AKR1C8: variants seen among roughly 807,000 people sequenced by gnomAD.
The protein encoded by AKR1C8 is aldo-keto reductase family 1 member C-like protein 1.
the AKR1C8 span, among the ~76,000 whole-genome samples, chr10:5,139,664 A>G: frequency 6.6e-6 from 1 of 152,232 alleles, no homozygotes; most frequent in Non-Finnish European, 1.5e-5. Context: ...CATGGATTAA[A>G]GACTTAAATG....
At chr10:5,177,557 C>A in the AKR1C8 span, among the ~76,000 whole-genome samples, 1 of 152,152 alleles carries the variant, frequency 6.6e-6, no homozygotes, top group Non-Finnish European at 1.5e-5. Context: ...AGGAATGGTA[C>A]CAGTTCCTCC....
At chr10:5,181,965 A>G in the AKR1C8 span, among the ~76,000 whole-genome samples, 2 of 152,216 alleles carry the variant, frequency 1.3e-5, no homozygotes, top group African/African-American at 2.4e-5. Context: ...TAAATATCAA[A>G]CAGAACAAGA....
At chr10:5,150,831 C>T in the AKR1C8 span, among the ~76,000 whole-genome samples, 22 of 152,212 alleles carry the variant, frequency 1.4e-4, no homozygotes, top group South Asian at 8.3e-4. Flanking sequence ...TGTAACTGCC[C>T]GGTGGGTTCT....
the AKR1C8 span, among the ~76,000 whole-genome samples, chr10:5,179,832 T>C: frequency 2.2e-4 from 33 of 152,344 alleles, no homozygotes; most frequent in Admixed American, 5.2e-4. Context: ...CTTCAGCTCC[T>C]TTAAGCACTT....
the AKR1C8 span, among the ~76,000 whole-genome samples, chr10:5,170,461 T>C: frequency 6.6e-6 from 1 of 152,114 alleles, no homozygotes; most frequent in African/African-American, 2.4e-5. Flanking sequence ...CATAGGCCTT[T>C]TAAATTAGCT....
chr10:5,158,603 T>C, the AKR1C8 span: 2 of 476,046 alleles, frequency 4.2e-6, no homozygotes, highest in African/African-American at 2.0e-5. Context: ...TTATTACCAC[T>C]GTGGGTCTCT....
At chr10:5,132,601 C>A in the AKR1C8 span, 3 of 1,566,638 alleles carry the variant, frequency 1.9e-6, no homozygotes, top group Non-Finnish European at 2.6e-6. Flanking sequence ...AGGCACAGTA[C>A]CTTTGAAGTG....
the AKR1C8 span, among the ~76,000 whole-genome samples, chr10:5,121,127 A>G: frequency 4.6e-5 from 7 of 152,108 alleles, no homozygotes; most frequent in East Asian, 1.3e-3. Flanking sequence ...GCAAACACAC[A>G]TAAAAAATTT....
the AKR1C8 span, among the ~76,000 whole-genome samples, chr10:5,140,188 C>T: frequency 6.6e-6 from 1 of 152,120 alleles, no homozygotes; most frequent in Non-Finnish European, 1.5e-5. Context: ...AATGTTTTTA[C>T]ACTGTTGGTG....
chr10:5,137,107 A>C, the AKR1C8 span, among the ~76,000 whole-genome samples: 3 of 152,174 alleles, frequency 2.0e-5, no homozygotes, highest in Non-Finnish European at 2.9e-5. Flanking sequence ...TTTTTGTTAC[A>C]AAATGCTAAC....
the AKR1C8 span, among the ~76,000 whole-genome samples, chr10:5,121,410 G>C: frequency 2.6e-5 from 4 of 152,170 alleles, no homozygotes; most frequent in African/African-American, 7.2e-5. Context: ...CTAGCACTGA[G>C]GGTCTATTAA....
the AKR1C8 span, among the ~76,000 whole-genome samples, chr10:5,167,348 G>A: frequency 1.1e-4 from 17 of 152,096 alleles, no homozygotes; most frequent in Non-Finnish European, 1.6e-4. Flanking sequence ...TGTTTATTGC[G>A]GCACTATTCA....
At chr10:5,159,060 T>G in the AKR1C8 span, among the ~76,000 whole-genome samples, 11 of 152,258 alleles carry the variant, frequency 7.2e-5, no homozygotes, top group African/African-American at 2.6e-4. Flanking sequence ...CTAGAAGAGC[T>G]TGCACTCTAG....
the AKR1C8 span, among the ~76,000 whole-genome samples, chr10:5,157,259 A>G: frequency 4.6e-5 from 7 of 152,176 alleles, no homozygotes; most frequent in Non-Finnish European, 8.8e-5. Flanking sequence ...CAGTAGTTTA[A>G]CAGAGCAGCT....
the AKR1C8 span, among the ~76,000 whole-genome samples, chr10:5,180,281 G>C: frequency 2.0e-5 from 3 of 152,194 alleles, no homozygotes; most frequent in African/African-American, 7.2e-5. Flanking sequence ...AGAGATTGCA[G>C]AACAGCGGAT....
At chr10:5,163,216 G>A in the AKR1C8 span, among the ~76,000 whole-genome samples, 1 of 152,136 alleles carries the variant, frequency 6.6e-6, no homozygotes, top group African/African-American at 2.4e-5. Context: ...ATGAATTAGA[G>A]AAATTGGCTT....
At chr10:5,162,984 C>T in the AKR1C8 span, 2 of 534,444 alleles carry the variant, frequency 3.7e-6, no homozygotes, top group Admixed American at 1.9e-5. Flanking sequence ...ACGTCAATAG[C>T]CACTTTGGTG....
At chr10:5,122,225 A>T in the AKR1C8 span, 1 of 299,706 alleles carries the variant, frequency 3.3e-6, no homozygotes, top group Middle Eastern at 9.0e-4. Flanking sequence ...TCTACCTGGG[A>T]ATCCAAGGAC....
chr10:5,179,740 A>G, the AKR1C8 span, among the ~76,000 whole-genome samples: 6 of 151,744 alleles, frequency 4.0e-5, no homozygotes, highest in Non-Finnish European at 8.8e-5. Context: ...TCCATCACTG[A>G]TATCCTTTCT....
Sources: allele counts gnomAD v4.1 joint callset (sites outside exome capture counted in the v4.1 genomes callset), GRCh38; gene constraint gnomAD v4.1.1; transcripts MANE v1.5; gene names NCBI Gene and HGNC (gene_info 2026-07-23, HGNC 2026-07-21).